CABP4: variants seen among roughly 807,000 people sequenced by gnomAD.
CABP4 encodes the protein calcium binding protein 4.
A neutral mutation model predicts 30.7 loss-of-function variants in CABP4; 30 were observed. The ratio of observed to expected loss-of-function variants is 0.98; its 90% CI spans 0.73 to 1.33. CABP4 has a LOEUF of 1.33. Ranked by LOEUF, CABP4 falls within the 40% of genes most tolerant of loss-of-function variation. The pLI, the probability that CABP4 is intolerant of heterozygous loss-of-function variation, is 0.00. For synonymous variants in CABP4, 161 were observed against 159.2 expected (o/e 1.01, Z -0.08); for missense variants, 424 against 395.5 (o/e 1.07, Z -0.61).
chr11:67,452,642 TG>T (rs757144127), upstream of CABP4: 13 of 1,613,294 alleles, frequency 8.1e-6, no homozygotes, highest in Non-Finnish European at 1.1e-5. Flanking sequence ...CCAGCCACCT[TG>T]GGGGTAGGAG....
At position 67,456,571 on chromosome 11, in the gene CABP4, C is replaced by T. The variant is rs1009855431; in HGVS notation, c.541+129C>T. On this transcript the variant is annotated intron_variant, in intron 3 of 5. Coordinates refer to ENST00000325656, the MANE Select transcript of CABP4 (RefSeq NM_145200.5). ...GTGAGGGAGGGTGGCGGTTTCCAGG[C>T]AGGGGCACCGGGTTCAAGCTCCTGC... is the stretch of plus-strand genomic sequence containing the variant. The T allele has an allele frequency of 2.1e-5, 25 of 1,208,286 alleles. No homozygotes were observed. The South Asian group carries it at 2.7e-4, about 13-fold the overall frequency. The allele number at this position is 1,208,286 out of a possible 1,614,324, so 74.8% of individuals were successfully genotyped here. A position where few individuals can be genotyped will look rare whatever the true frequency, so the allele number is the denominator to read the frequency against.
chr11:67,458,942 AG>A lies in CABP4; in HGVS notation c.*286del, dbSNP rs1864928463. ...GGGTCTCTCCAGACCTCTGGGAGGT[AG>A]GGAGTTCCCTGGCACTGGCAGCATT... On this transcript the variant is annotated 3_prime_UTR_variant, in exon 6 of 6. Transcript: ENST00000325656. The A allele has an allele frequency of 7.5e-6, 4 of 532,560 alleles. No homozygotes were observed. Among genetic ancestry groups the A allele is most frequent in the Non-Finnish European group, 1.4e-5 (4 of 293,860 alleles). 33.0% of individuals were successfully genotyped at this position (532,560 alleles called of 1,614,324 possible).
intron 1 of CABP4, 100 bp from the exon 2 acceptor site, chr11:67,456,088 G>C: frequency 6.2e-7 from 1 of 1,608,902 alleles, no homozygotes; most frequent in Non-Finnish European, 8.5e-7. Flanking sequence ...TACTCTGATG[G>C]GGCTGGGCCC....
In CABP4 at chr11:67,456,183, T is replaced by C. The variant is rs756896866; in HGVS notation, c.367-5T>C. On this transcript the variant is annotated splice_region_variant and splice_polypyrimidine_tract_variant and intron_variant, in intron 1 of 5. Coordinates refer to ENST00000325656, the MANE Select transcript of CABP4 (RefSeq NM_145200.5). ...CTGGGGACATCCTGGACTCTCCCCC[T>C]GCAGGACCGCGAACTGGGCCCCGAG... 6.2e-7 allele frequency: 1 copy of C among 1,613,120 alleles called. No individual in the cohort carries two copies. The highest frequency in any genetic ancestry group is 2.2e-5 in the East Asian group (1 of 44,824).
Position 67,455,438 on chromosome 11 carries a change from G to A in CABP4, c.15G>A (p.Gln5=). 1 of 1,610,874 alleles carries A rather than the reference G, an allele frequency of 6.2e-7. No individual in the cohort carries two copies. Among genetic ancestry groups the A allele is most frequent in the Non-Finnish European group, 8.5e-7 (1 of 1,179,244 alleles). Residue 5 remains glutamine (Q), a synonymous_variant, in exon 1 of 6, where the codon CAG becomes CAA. Coordinates refer to ENST00000325656, the MANE Select transcript of CABP4 (RefSeq NM_145200.5). The part of the protein sequence containing the change: MTTE[Q]ARGQQGPNLA... The stretch of plus-strand genomic sequence containing the variant: ...ATCCCTCCCCCATGACCACAGAGCA[G>A]GCAAGGGGGCAGCAGGGCCCAAATC...
chr11:67,452,852 T>C (rs1220741572), upstream of CABP4: 15 of 719,468 alleles, frequency 2.1e-5, no homozygotes, highest in South Asian at 2.1e-4. Flanking sequence ...CCCTGCGCCA[T>C]TGTCATCACC....
Position 67,459,006 on chromosome 11 carries a change from A to C in CABP4, c.*347A>C, listed in dbSNP as rs143907498. The C allele has an allele frequency of 5.0e-4, 204 of 408,100 alleles. No individual in the cohort carries two copies. Among genetic ancestry groups the C allele is most frequent in the African/African-American group, 3.5e-3 (170 of 49,174 alleles). 25.3% of individuals were successfully genotyped at this position (408,100 alleles called of 1,614,324 possible). A position where few individuals can be genotyped will look rare whatever the true frequency, so the allele number is the denominator to read the frequency against. On this transcript the variant is annotated 3_prime_UTR_variant, in exon 6 of 6. Transcript: ENST00000325656. The stretch of plus-strand genomic sequence containing the variant: ...CCCAGTGGCATGATGAATGGAGAGG[A>C]TGGCTGGACCCCTTCCACTACTTAT...
At chr11:67,458,220 C>A in intron 4 of CABP4, 151 bp from the exon 5 acceptor site, 1 of 568,048 alleles carries the variant, frequency 1.8e-6, no homozygotes, top group Non-Finnish European at 2.4e-6. Context: ...AATTGCGTCA[C>A]TGCACTCCAG....
At position 67,456,561 on chromosome 11, in the gene CABP4, G is replaced by A. The variant is rs762528620; in HGVS notation, c.541+119G>A. On this transcript the variant is annotated intron_variant, in intron 3 of 5. Coordinates refer to ENST00000325656, the MANE Select transcript of CABP4 (RefSeq NM_145200.5). ...GCTAGTGGGAGTGAGGGAGGGTGGCGGTTTCCAGGCAGGGGCACCGGGTTC... is the reference window on the plus strand; with the variant it reads ...GCTAGTGGGAGTGAGGGAGGGTGGCAGTTTCCAGGCAGGGGCACCGGGTTC... 6.1e-6 allele frequency: 8 copies of A among 1,305,940 alleles called. No homozygotes were observed. The East Asian group carries it at 7.5e-5, about 12-fold the overall frequency. 80.9% of individuals were successfully genotyped at this position (1,305,940 alleles called of 1,614,324 possible). A position where few individuals can be genotyped will look rare whatever the true frequency, so the allele number is the denominator to read the frequency against.
chr11:67,456,363 G>A lies in CABP4; in HGVS notation c.462G>A (p.Leu154=), dbSNP rs1864797041. 2 of 1,613,616 alleles carry A rather than the reference G, an allele frequency of 1.2e-6. No individual in the cohort carries two copies. The highest frequency in any genetic ancestry group is 1.3e-5 in the African/African-American group (1 of 74,926). ...DRDGYISHRE[L]GDCMRTLGYM... is the part of the protein sequence containing the mutation. ...ACGGCTACATCAGCCACCGGGAGCT[G>A]GGTGACTGCATGCGGACCCTGGGCT... Residue 154 remains leucine, a synonymous_variant, in exon 3 of 6, where the codon CTG becomes CTA. Coordinates refer to ENST00000325656, the MANE Select transcript of CABP4 (RefSeq NM_145200.5).
rs1481306448 is a variant in CABP4, at chr11:67,461,391, A to G, written c.*2732A>G. Among the ~76,000 whole-genome samples, 2 of 152,258 alleles carry G rather than the reference A, an allele frequency of 1.3e-5. No individual in the cohort carries two copies. Among genetic ancestry groups the G allele is most frequent in the East Asian group, 3.8e-4 (2 of 5,204 alleles). ...AAGAGATAATGGCTGAAAATTTTCC[A>G]TAAAGACTTCCACAGACTTCAACTC... On this transcript the variant is annotated 3_prime_UTR_variant, in exon 6 of 6. Coordinates refer to ENST00000325656, the MANE Select transcript of CABP4 (RefSeq NM_145200.5).
chr11:67,458,085 C>G (rs1864885084), intron 4 of CABP4, among the ~76,000 whole-genome samples: 1 of 152,082 alleles, frequency 6.6e-6, no homozygotes, highest in Non-Finnish European at 1.5e-5. Flanking sequence ...ATGGCAAAAC[C>G]CCATCTCTAT....
At position 67,456,205 on chromosome 11, in the gene CABP4, C is replaced by T. The variant is rs376274257; in HGVS notation, c.384C>T (p.Pro128=). Residue 128 remains proline, a synonymous_variant, in exon 2 of 6, where the codon CCC becomes CCT. Transcript: ENST00000325656. ...RVFGKDRELG[P]EELDELQAAF... is the part of the protein sequence containing the mutation. ...CCCTGCAGGACCGCGAACTGGGCCC[C>T]GAGGAGCTAGACGGTGAGTGGCTCT... 1.7e-5 allele frequency: 27 copies of T among 1,613,434 alleles called. No individual in the cohort carries two copies. Among genetic ancestry groups the T allele is most frequent in the Admixed American group, 6.7e-5 (4 of 60,026 alleles).
rs868826077 is a variant in CABP4, at chr11:67,458,395, A to G, written c.676A>G (p.Ile226Val). 1.2e-6 allele frequency: 2 copies of G among 1,613,072 alleles called. No homozygotes were observed. Among genetic ancestry groups the G allele is most frequent in the Middle Eastern group, 3.3e-4 (2 of 6,008 alleles). ...GTTTGACAGGGACAGGGATGGACGAATTACGGTGGCGGAGCTGCGGGAGGC... is the reference window on the plus strand; with the variant it reads ...GTTTGACAGGGACAGGGATGGACGAGTTACGGTGGCGGAGCTGCGGGAGGC... ...REFDRDRDGR[I>V]TVAELREAVP... is the part of the protein sequence containing the mutation. Residue 226 changes from isoleucine to valine, a missense_variant, in exon 5 of 6, where the codon ATT becomes GTT. Physicochemically the swap from Ile to Val is conservative, Grantham distance 29 (BLOSUM62 3). Transcript: ENST00000325656.
intron 3 of CABP4, among the ~76,000 whole-genome samples, chr11:67,456,885 G>C (rs2135180449): frequency 6.6e-6 from 1 of 152,346 alleles, no homozygotes; most frequent in South Asian, 2.1e-4. Flanking sequence ...GGGTCGCCCT[G>C]ATGGGAGAGG....
Position 67,455,738 on chromosome 11 carries a change from C to G in CABP4, c.315C>G (p.His105Gln), listed in dbSNP as rs756570102. ...QSHRHRPDSL[H>Q]DAAQRTYGPL... is the part of the protein sequence containing the mutation. ...ACCGACATCGTCCTGACTCCCTGCACGACGCTGCTCAGAGGACATACGGGC... is the reference window on the plus strand; with the variant it reads ...ACCGACATCGTCCTGACTCCCTGCAGGACGCTGCTCAGAGGACATACGGGC... The change falls in exon 1 of 6, where the codon CAC (histidine) becomes CAG (glutamine). Residue 105 changes from histidine to glutamine, a missense_variant. By Grantham distance (24) the His-to-Gln change is conservative. Transcript: ENST00000325656. 5.0e-6 allele frequency: 8 copies of G among 1,602,006 alleles called. No homozygotes were observed. Among genetic ancestry groups the G allele is most frequent in the Non-Finnish European group, 4.3e-6 (5 of 1,175,630 alleles).
Position 67,461,309 on chromosome 11 carries a change from T to A in CABP4, c.*2650T>A, listed in dbSNP as rs571746418. On this transcript the variant is annotated 3_prime_UTR_variant, in exon 6 of 6. Coordinates refer to ENST00000325656, the MANE Select transcript of CABP4 (RefSeq NM_145200.5). ...TGTCTCAAAGAAAAAGACAGATAAG[T>A]CCTTGGGAGTCTCAGACGGAGGACA... 6.6e-6 allele frequency among the ~76,000 whole-genome samples: 1 copy of A among 152,058 alleles called. No homozygotes were observed. The highest frequency in any genetic ancestry group is 1.5e-5 in the Non-Finnish European group (1 of 67,958).
chr11:67,458,627 G>T lies in CABP4; in HGVS notation c.800-4G>T. The T allele has an allele frequency of 2.5e-6, 4 of 1,613,984 alleles. No homozygotes were observed. Among genetic ancestry groups the T allele is most frequent in the Non-Finnish European group, 3.4e-6 (4 of 1,179,996 alleles). ...GACCCAAGCCCTGCCCTTCTCTCCC[G>T]CAGAGTTTGTGATGATGCTCTCCCG... On this transcript the variant is annotated splice_region_variant and splice_polypyrimidine_tract_variant and intron_variant, in intron 5 of 5. Coordinates refer to ENST00000325656, the MANE Select transcript of CABP4 (RefSeq NM_145200.5).
At position 67,455,636 on chromosome 11, in the gene CABP4, T is replaced by C. The variant is rs1221960450; in HGVS notation, c.213T>C (p.Asn71=). The change falls in exon 1 of 6, where the codon AAT becomes AAC. Residue 71 remains asparagine, a synonymous_variant. Coordinates refer to ENST00000325656, the MANE Select transcript of CABP4 (RefSeq NM_145200.5). Reference sequence around the variant, plus strand: ...GCCCCGAGGCCCCGGGGAGCAGCAATAACCCTCCCAGCACTGGAGAGGGGC... The same window carrying C: ...GCCCCGAGGCCCCGGGGAGCAGCAACAACCCTCCCAGCACTGGAGAGGGGC... ...QTGPEAPGSS[N]NPPSTGEGPA... 1.9e-6 allele frequency: 3 copies of C among 1,609,754 alleles called. No individual in the cohort carries two copies. The highest frequency in any genetic ancestry group is 2.2e-5 in the East Asian group (1 of 44,756).
Sources: gnomAD v4.1 joint callset for allele counts (sites outside exome capture counted in the v4.1 genomes callset) on GRCh38, gnomAD v4.1.1 for gene constraint, MANE v1.5 for transcripts, NCBI Gene and HGNC (gene_info 2026-07-23, HGNC 2026-07-21) for gene names.